The following LNX1 variants were observed in gnomAD, a reference collection of about 807,000 sequenced individuals.
The protein encoded by LNX1 is ligand of numb-protein X 1, also known as E3 ubiquitin-protein ligase LNX.
Under a neutral mutation model 68.4 loss-of-function variants are expected in LNX1, and 54 were observed. The observed-to-expected ratio is 0.79, with a 90% CI of 0.63 to 0.99. The LOEUF is 0.99. Among genes scored for constraint, LNX1 ranks in the 50% least tolerant of loss-of-function variants. The pLI, the probability that LNX1 is intolerant of heterozygous loss-of-function variation, is 0.00. For missense variants in LNX1, 906 were observed against 926.4 expected (o/e 0.98, Z 0.29); for synonymous variants, 336 against 350.0 (o/e 0.96, Z 0.45).
intron 2 of LNX1, among the ~76,000 whole-genome samples, chr4:53,561,290 C>T (rs1368889004): frequency 3.9e-5 from 6 of 151,954 alleles, no homozygotes; most frequent in Non-Finnish European, 7.4e-5. Flanking sequence ...TGCAATGGGG[C>T]GATCTTGACT....
intron 1 of LNX1, among the ~76,000 whole-genome samples, chr4:53,588,574 A>T (rs755403952): frequency 6.6e-6 from 1 of 152,186 alleles, no homozygotes; most frequent in Non-Finnish European, 1.5e-5. Flanking sequence ...CTAGTGAGGC[A>T]CTACCCAGTC....
At chr4:53,522,892 A>T (rs1317733192) in intron 2 of LNX1, 1 of 152,134 alleles carries the variant, frequency 6.6e-6, no homozygotes, top group African/African-American at 2.4e-5. Context: ...TTATTCTTTC[A>T]ATCTTTTTTC....
At chr4:53,469,108 A>C (rs1722941549) in intron 9 of LNX1, among the ~76,000 whole-genome samples, 1 of 152,196 alleles carries the variant, frequency 6.6e-6, no homozygotes, top group African/African-American at 2.4e-5. Context: ...CTCCTCAGCA[A>C]ATGTAAAAGA....
chr4:53,485,506 G>T (rs1483153372), intron 6 of LNX1, among the ~76,000 whole-genome samples: 1 of 152,172 alleles, frequency 6.6e-6, no homozygotes, highest in Non-Finnish European at 1.5e-5. Context: ...GCTGGCTTTG[G>T]TATTAAGTTG....
intron 2 of LNX1, among the ~76,000 whole-genome samples, chr4:53,549,990 A>G (rs567303056): frequency 6.6e-6 from 1 of 152,266 alleles, no homozygotes; most frequent in East Asian, 1.9e-4. Flanking sequence ...CTAGGAGGAG[A>G]ACACTTTGGA....
At chr4:53,482,500 A>G (rs1467662157) in intron 6 of LNX1, among the ~76,000 whole-genome samples, 3 of 152,242 alleles carry the variant, frequency 2.0e-5, no homozygotes, top group African/African-American at 2.4e-5. Flanking sequence ...TGTGGTATGT[A>G]TATACCATGG....
intron 2 of LNX1, among the ~76,000 whole-genome samples, chr4:53,609,987 C>G (rs1342655619): frequency 4.0e-5 from 6 of 151,612 alleles, no homozygotes; most frequent in South Asian, 2.1e-4. Flanking sequence ...TAAGTGTGCT[C>G]AAGGTGAAAT....
intron 2 of LNX1, among the ~76,000 whole-genome samples, chr4:53,521,751 T>C: frequency 6.6e-6 from 1 of 152,250 alleles, no homozygotes; most frequent in Middle Eastern, 3.4e-3. Flanking sequence ...TATATTAAAA[T>C]ATTTATTGGA....
At chr4:53,469,870 G>C (rs1303399859) in intron 9 of LNX1, among the ~76,000 whole-genome samples, 2 of 152,108 alleles carry the variant, frequency 1.3e-5, no homozygotes, top group African/African-American at 4.8e-5. Context: ...ACCAAAAAAA[G>C]TCCAGGACCA....
At chr4:53,620,456 G>T (rs1351134396), upstream of LNX1, among the ~76,000 whole-genome samples, 1 of 152,182 alleles carries the variant, frequency 6.6e-6, no homozygotes, top group Non-Finnish European at 1.5e-5. Context: ...CTAATCTAGA[G>T]CAAACATATA....
At chr4:53,650,465 G>A (rs1385094557) in intron 1 of LNX1, among the ~76,000 whole-genome samples, 1 of 152,176 alleles carries the variant, frequency 6.6e-6, no homozygotes, top group Non-Finnish European at 1.5e-5. Context: ...ATGGGAGCCG[G>A]CTTCTGATGA....
intron 2 of LNX1, among the ~76,000 whole-genome samples, chr4:53,545,253 T>C (rs1476648630): frequency 1.3e-5 from 2 of 152,260 alleles, no homozygotes; most frequent in African/African-American, 4.8e-5. Flanking sequence ...ATCTTCAGCA[T>C]AATTTTAACT....
chr4:53,502,251 G>A (rs1725558263), intron 4 of LNX1, among the ~76,000 whole-genome samples: 2 of 152,052 alleles, frequency 1.3e-5, no homozygotes, highest in African/African-American at 4.8e-5. Context: ...GTCCCCTATG[G>A]CTGCTATGGT....
chr4:53,547,345 T>C (rs1270967255), intron 2 of LNX1, among the ~76,000 whole-genome samples: 2 of 152,236 alleles, frequency 1.3e-5, no homozygotes, highest in Non-Finnish European at 2.9e-5. Context: ...TATTAAATGC[T>C]TTACATAATC....
chr4:53,621,408 G>A (rs1733876895), upstream of LNX1, among the ~76,000 whole-genome samples: 1 of 152,198 alleles, frequency 6.6e-6, no homozygotes, highest in Admixed American at 6.5e-5. Context: ...AGGACAGGGA[G>A]ACTGTTTTAT....
intron 2 of LNX1, among the ~76,000 whole-genome samples, chr4:53,512,053 C>T (rs62323602): frequency 1.3e-5 from 2 of 152,002 alleles, no homozygotes; most frequent in African/African-American, 4.8e-5. Context: ...CATTAATTGT[C>T]CAGTCTGATC....
chr4:53,589,348 C>A (rs1732367431), intron 1 of LNX1, among the ~76,000 whole-genome samples: 1 of 152,194 alleles, frequency 6.6e-6, no homozygotes, highest in African/African-American at 2.4e-5. Context: ...TGCCTGTTTT[C>A]TTTTTCCAAA....
At chr4:53,570,153 C>A (rs1366824546) in intron 2 of LNX1, among the ~76,000 whole-genome samples, 370 of 142,544 alleles carry the variant, frequency 2.6e-3, no homozygotes, top group African/African-American at 9.3e-3. Context: ...ACCCAGCCAT[C>A]CCATTACTGG....
chr4:53,479,813 A>T (rs1723802779), intron 7 of LNX1, among the ~76,000 whole-genome samples: 1 of 152,230 alleles, frequency 6.6e-6, no homozygotes, highest in Non-Finnish European at 1.5e-5. Flanking sequence ...TTTGCTTTGG[A>T]TATTTAGAAT....
Sources: gnomAD v4.1 joint callset for allele counts (sites outside exome capture counted in the v4.1 genomes callset) on GRCh38, gnomAD v4.1.1 for gene constraint, MANE v1.5 for transcripts, NCBI Gene and HGNC (gene_info 2026-07-23, HGNC 2026-07-21) for gene names.